The following HECTD2 variants were observed in gnomAD, a reference collection of about 807,000 sequenced individuals.
HECTD2 encodes HECT domain E3 ubiquitin protein ligase 2.
Under a neutral mutation model 103.2 loss-of-function variants are expected in HECTD2, and 35 were observed. The observed-to-expected ratio is 0.34, with a 90% CI of 0.26 to 0.45. HECTD2 has a LOEUF of 0.45. HECTD2 is among the 20% of genes least tolerant of loss of function. The pLI, the probability that HECTD2 is intolerant of heterozygous loss-of-function variation, is 1.00. For missense variants in HECTD2, 596 were observed against 937.4 expected (o/e 0.64, Z 4.76); for synonymous variants, 281 against 329.9 (o/e 0.85, Z 1.61).
Position 91,487,591 on chromosome 10 carries a change from A to T in HECTD2, c.1095-91A>T. 2.5e-6 allele frequency: 2 copies of T among 810,940 alleles called. No homozygotes were observed. The highest frequency in any genetic ancestry group is 1.7e-5 in the African/African-American group (1 of 59,608). 50.2% of individuals were successfully genotyped at this position (810,940 alleles called of 1,614,324 possible). A position where few individuals can be genotyped will look rare whatever the true frequency, so the allele number is the denominator to read the frequency against. ...AAACACAATCCAAAAGTAATGTTTT[A>T]TATTGCTACAAGGGGTACCTTAGAT... On this transcript the variant is annotated intron_variant, in intron 10 of 20. Coordinates refer to ENST00000298068, the MANE Select transcript of HECTD2 (RefSeq NM_182765.6). The surrounding 1 kb of genome is among the most constrained non-coding windows in gnomAD (Gnocchi z 4.1).
chr10:91,425,122 A>G (rs1843505953), intron 1 of HECTD2, among the ~76,000 whole-genome samples, 159 bp from the exon 2 acceptor site: 1 of 152,058 alleles, frequency 6.6e-6, no homozygotes, highest in South Asian at 2.1e-4. Flanking sequence ...TATGTGAGAC[A>G]GTTAAGTCCT....
intron 20 of HECTD2, among the ~76,000 whole-genome samples, chr10:91,504,964 A>G (rs1238905740): frequency 1.3e-5 from 2 of 152,124 alleles, no homozygotes; most frequent in East Asian, 1.9e-4. Flanking sequence ...GAGAGTGGGG[A>G]CCAATATTCA....
intron 2 of HECTD2, among the ~76,000 whole-genome samples, chr10:91,432,685 C>T (rs1381104969): frequency 6.6e-6 from 1 of 151,926 alleles, no homozygotes; most frequent in South Asian, 2.1e-4. Flanking sequence ...AAAAATCTTT[C>T]CAGCCTAGGT....
chr10:91,465,717 G>A (rs1355080737), intron 5 of HECTD2, among the ~76,000 whole-genome samples: 2 of 151,996 alleles, frequency 1.3e-5, no homozygotes, highest in South Asian at 2.1e-4. Flanking sequence ...TTAGCTTGTC[G>A]ATGTGATGAA....
rs545518389 is a variant in HECTD2, at chr10:91,421,033, TC to T, written c.139-4241del. ...ATCTTCCCTCAAACCTTTGCATTCT[TC>T]CCCCCCTCAGGCTTTTTTCCCCTTC... is the stretch of plus-strand genomic sequence containing the variant. On this transcript the variant is annotated intron_variant, in intron 1 of 20. Coordinates refer to ENST00000298068, the MANE Select transcript of HECTD2 (RefSeq NM_182765.6). Among the ~76,000 whole-genome samples, 10 of 152,094 alleles carry T rather than the reference TC, an allele frequency of 6.6e-5. No homozygotes were observed. The South Asian group carries it at 1.5e-3, about 22-fold the overall frequency.
Position 91,410,348 on chromosome 10 carries a change from C to G in HECTD2, c.-91C>G, listed in dbSNP as rs1484391306. On this transcript the variant is annotated 5_prime_UTR_variant, in exon 1 of 21. Coordinates refer to ENST00000298068, the MANE Select transcript of HECTD2 (RefSeq NM_182765.6). ...GGCGGCTAGAAGCGGCAGCCCAGAG[C>G]CCTCTCGCGGCCGCGGCGGCAGCAG... 1.3e-6 allele frequency: 1 copy of G among 768,378 alleles called. No individual in the cohort carries two copies. The highest frequency in any genetic ancestry group is 4.7e-5 in the East Asian group (1 of 21,324). The allele number at this position is 768,378 out of a possible 1,614,324, so 47.6% of individuals were successfully genotyped here.
intron 2 of HECTD2, among the ~76,000 whole-genome samples, chr10:91,444,655 G>A (rs1194996289): frequency 6.6e-6 from 1 of 152,112 alleles, no homozygotes; most frequent in African/African-American, 2.4e-5. Flanking sequence ...CCAGAGACAG[G>A]CTTTCTGCCT....
chr10:91,432,440 G>T (rs1245917926), intron 2 of HECTD2, among the ~76,000 whole-genome samples: 1 of 151,914 alleles, frequency 6.6e-6, no homozygotes, highest in African/African-American at 2.4e-5. Flanking sequence ...AAAAATAAGT[G>T]AGAAGTGTAG....
At position 91,513,573 on chromosome 10, in the gene HECTD2, GTT is replaced by G. The variant is rs531209151; in HGVS notation, c.*1196_*1197del. 6.6e-6 allele frequency: 1 copy of G among 151,952 alleles called. No individual in the cohort carries two copies. The highest frequency in any genetic ancestry group is 2.1e-4 in the South Asian group (1 of 4,800). 9.4% of individuals were successfully genotyped at this position (151,952 alleles called of 1,614,324 possible). ...CTGCATTTTAAGTCAGACAGTAAAT[GTT>G]TTTTTTAATTTACAGCAAATGAAGC... On this transcript the variant is annotated 3_prime_UTR_variant, in exon 21 of 21. Transcript: ENST00000298068.
chr10:91,409,997 C>T (rs1231120751), upstream of HECTD2, among the ~76,000 whole-genome samples: 3 of 152,182 alleles, frequency 2.0e-5, no homozygotes, highest in Non-Finnish European at 4.4e-5. Context: ...CGACTTGTCT[C>T]CCCGACTGCC....
At chr10:91,464,244 C>T (rs942595886) in intron 5 of HECTD2, among the ~76,000 whole-genome samples, 1 of 152,134 alleles carries the variant, frequency 6.6e-6, no homozygotes, top group African/African-American at 2.4e-5. Flanking sequence ...ATATACTGAA[C>T]AACCTATTGG....
At chr10:91,449,433 A>G (rs1226146832) in intron 2 of HECTD2, among the ~76,000 whole-genome samples, 3 of 152,184 alleles carry the variant, frequency 2.0e-5, no homozygotes, top group South Asian at 2.1e-4. Context: ...CCCACAGTCA[A>G]TATCATACTG....
intron 2 of HECTD2, among the ~76,000 whole-genome samples, chr10:91,455,580 G>T (rs1185794703): frequency 6.6e-5 from 10 of 152,116 alleles, no homozygotes; most frequent in Non-Finnish European, 7.4e-5. Context: ...AGTTTAATTA[G>T]ATCCCATTTG....
intron 2 of HECTD2, among the ~76,000 whole-genome samples, chr10:91,436,855 GCTT>G (rs1215364989): frequency 2.0e-5 from 3 of 151,958 alleles, no homozygotes; most frequent in Non-Finnish European, 4.4e-5. Flanking sequence ...TGACATCTCT[GCTT>G]CTTTTTACCT....
chr10:91,503,542 T>C (rs982659513), intron 20 of HECTD2, among the ~76,000 whole-genome samples: 61 of 152,222 alleles, frequency 4.0e-4, no homozygotes, highest in Non-Finnish European at 6.6e-4. Context: ...ATCGGGTCAC[T>C]CCCACCCGAA....
intron 10 of HECTD2, chr10:91,486,991 T>C (rs1846289704): frequency 6.6e-6 from 1 of 152,370 alleles, no homozygotes; most frequent in South Asian, 2.1e-4. Flanking sequence ...ACTCCAGAAG[T>C]GTCATTGCTG....
chr10:91,471,197 C>G (rs117144859), intron 5 of HECTD2, among the ~76,000 whole-genome samples: 5,450 of 152,232 alleles, frequency 0.036, 140 homozygotes, highest in Non-Finnish European at 0.052. Context: ...TGATTCATCA[C>G]GTAACAGAAC....
At chr10:91,474,798 A>G (rs1426038620) in intron 5 of HECTD2, among the ~76,000 whole-genome samples, 1 of 152,220 alleles carries the variant, frequency 6.6e-6, no homozygotes, top group African/African-American at 2.4e-5. Flanking sequence ...GTGCTTCGAG[A>G]AGATAGGGCA....
Position 91,484,674 on chromosome 10 carries a change from A to G in HECTD2, c.970+19A>G. 2 of 1,564,062 alleles carry G rather than the reference A, an allele frequency of 1.3e-6. No individual in the cohort carries two copies. The highest frequency in any genetic ancestry group is 1.7e-6 in the Non-Finnish European group (2 of 1,157,610). The stretch of plus-strand genomic sequence containing the variant: ...TTACTTAGTAGGTTTTTATTATTCT[A>G]TCATTTTTTACTTTTCTTTTGTTAC... On this transcript the variant is annotated intron_variant, in intron 9 of 20. Coordinates refer to ENST00000298068, the MANE Select transcript of HECTD2 (RefSeq NM_182765.6).
Sources: allele counts gnomAD v4.1 joint callset (sites outside exome capture counted in the v4.1 genomes callset), GRCh38; gene constraint gnomAD v4.1.1; non-coding constraint Gnocchi (gnomAD v3.1); transcripts MANE v1.5; gene names NCBI Gene and HGNC (gene_info 2026-07-23, HGNC 2026-07-21).